The following RTCA variants were observed in gnomAD, a reference collection of about 807,000 sequenced individuals.
The protein encoded by RTCA is RNA 3'-terminal phosphate cyclase.
Under a neutral mutation model 46.1 loss-of-function variants are expected in RTCA, and 37 were observed. The ratio of observed to expected loss-of-function variants is 0.80; its 90% CI spans 0.62 to 1.06. The LOEUF (loss-of-function observed/expected upper bound fraction) is 1.06. Ranked by LOEUF, RTCA falls within the 50% of genes least tolerant of loss-of-function variation. RTCA has a pLI of 0.00. For synonymous variants in RTCA, 164 were observed against 158.3 expected (o/e 1.04, Z -0.27); for missense variants, 435 against 455.5 (o/e 0.95, Z 0.41).
chr1:100,290,547 G>T (rs1007389053), intron 10 of RTCA, among the ~76,000 whole-genome samples: 4 of 152,198 alleles, frequency 2.6e-5, no homozygotes, highest in African/African-American at 9.7e-5. Flanking sequence ...GACGCAGGAG[G>T]ATCACTTCAG....
At chr1:100,288,656 G>A (rs913874799) in intron 10 of RTCA, among the ~76,000 whole-genome samples, 2 of 152,032 alleles carry the variant, frequency 1.3e-5, no homozygotes, top group African/African-American at 4.8e-5. Flanking sequence ...CTCCCAAAGC[G>A]CTAGGATTAC....
chr1:100,283,907 G>A (rs1157279226), intron 8 of RTCA, among the ~76,000 whole-genome samples: 1 of 111,280 alleles, frequency 9.0e-6, no homozygotes. Flanking sequence ...AGGCAACGTA[G>A]TGAGACCTAG....
chr1:100,285,408 T>C, intron 9 of RTCA, 86 bp downstream of exon 9: 1 of 909,288 alleles, frequency 1.1e-6, no homozygotes, highest in Non-Finnish European at 1.8e-6. Flanking sequence ...TAATTGACTT[T>C]CAGACACTAA....
intron 8 of RTCA, among the ~76,000 whole-genome samples, chr1:100,283,150 C>T (rs1293873480): frequency 1.4e-5 from 2 of 144,796 alleles, no homozygotes; most frequent in Non-Finnish European, 3.0e-5. Flanking sequence ...TTATGTATAT[C>T]CAAATATTCC....
intron 2 of RTCA, chr1:100,267,353 C>G (rs1394826091): frequency 2.3e-6 from 2 of 858,172 alleles, no homozygotes; most frequent in African/African-American, 1.7e-5. Context: ...TGTTAATTGC[C>G]TTTGTCATAG....
In RTCA at chr1:100,266,577, C is replaced by T. The variant is rs749173047; in HGVS notation, c.99C>T (p.Pro33=). The change falls in exon 2 of 11, where the codon CCC becomes CCT. Residue 33 remains proline (P), a synonymous_variant. Transcript: ENST00000370128. Reference sequence around the variant, plus strand: ...CCTTGAGCTGTCTCCTAGGCCTCCCCTTGCGGGTGCAGAAGATCCGAGCCG... The same window carrying T: ...CCTTGAGCTGTCTCCTAGGCCTCCCTTTGCGGGTGCAGAAGATCCGAGCCG... ...STALSCLLGL[P]LRVQKIRAGR... is the part of the protein sequence containing the mutation. 1 of 1,613,960 alleles carries T rather than the reference C, an allele frequency of 6.2e-7. No homozygotes were observed. The highest frequency in any genetic ancestry group is 8.5e-7 in the Non-Finnish European group (1 of 1,179,886).
intron 8 of RTCA, 129 bp downstream of exon 8, chr1:100,277,445 G>A: frequency 2.4e-6 from 2 of 834,214 alleles, no homozygotes; most frequent in Middle Eastern, 2.4e-4. Flanking sequence ...CTCTTTTAGA[G>A]TCAATTACAC....
At chr1:100,269,891 G>T (rs2100790406) in intron 3 of RTCA, among the ~76,000 whole-genome samples, 1 of 152,166 alleles carries the variant, frequency 6.6e-6, no homozygotes, top group African/African-American at 2.4e-5. Flanking sequence ...CTGTGCCCAT[G>T]TGTTCTCATT....
intron 5 of RTCA, 125 bp from the exon 6 acceptor site, chr1:100,274,699 A>G (rs1345805282): frequency 1.8e-6 from 2 of 1,086,146 alleles, no homozygotes; most frequent in Non-Finnish European, 2.5e-6. Context: ...ATACAGACCT[A>G]AAATATTTAG....
chr1:100,284,101 G>T (rs1038139682), intron 8 of RTCA, among the ~76,000 whole-genome samples: 1 of 151,628 alleles, frequency 6.6e-6, no homozygotes, highest in Non-Finnish European at 1.5e-5. Flanking sequence ...TTCATAAGAC[G>T]TTTTCATTTG....
chr1:100,281,045 A>G (rs1289381091), intron 8 of RTCA, among the ~76,000 whole-genome samples: 1 of 152,142 alleles, frequency 6.6e-6, no homozygotes, highest in Non-Finnish European at 1.5e-5. Context: ...CTTGAATCCT[A>G]ATTTCTTAGG....
chr1:100,271,112 T>C (rs1341231186), intron 4 of RTCA, among the ~76,000 whole-genome samples: 2 of 151,744 alleles, frequency 1.3e-5, no homozygotes, highest in Admixed American at 1.3e-4. Context: ...TTTGTTGTTA[T>C]ATCTTGGAAT....
chr1:100,291,310 T>G (rs1667340633), intron 10 of RTCA, 93 bp from the exon 11 acceptor site: 1 of 728,982 alleles, frequency 1.4e-6, no homozygotes, highest in Admixed American at 2.6e-5. Flanking sequence ...TAAAATGGGC[T>G]TGACATTAAC....
Position 100,268,309 on chromosome 1 carries a change from A to G in RTCA, c.290+14A>G, listed in dbSNP as rs1439518778. ...CAAGACAGCAGGGTATGTATCACTT[A>G]ACATTCCATTTAAGTAACCTGGGTT... On this transcript the variant is annotated intron_variant, in intron 3 of 10. Transcript: ENST00000370128. The G allele has an allele frequency of 6.3e-7, 1 of 1,582,284 alleles. No individual in the cohort carries two copies. The highest frequency in any genetic ancestry group is 8.6e-7 in the Non-Finnish European group (1 of 1,159,670).
intron 9 of RTCA, among the ~76,000 whole-genome samples, chr1:100,286,235 G>A (rs943932444): frequency 3.9e-5 from 6 of 151,990 alleles, no homozygotes; most frequent in East Asian, 1.9e-4. Context: ...GGCGGATCAC[G>A]AGGTCAAGAG....
At position 100,270,546 on chromosome 1, in the gene RTCA, C is replaced by T. The variant is rs764913965; in HGVS notation, c.291-11C>T. 2 of 1,607,292 alleles carry T rather than the reference C, an allele frequency of 1.2e-6. No homozygotes were observed. The highest frequency in any genetic ancestry group is 2.2e-5 in the East Asian group (1 of 44,842). ...GAAAATGAAAATAAGCCCCTTCTGC[C>T]TTCTCCTTAGGAGTGTGTGCCTCTT... On this transcript the variant is annotated splice_polypyrimidine_tract_variant and intron_variant, in intron 3 of 10. Coordinates refer to ENST00000370128, the MANE Select transcript of RTCA (RefSeq NM_003729.4).
At chr1:100,281,875 C>T (rs1362339022) in intron 8 of RTCA, among the ~76,000 whole-genome samples, 1 of 152,070 alleles carries the variant, frequency 6.6e-6, no homozygotes, top group East Asian at 1.9e-4. Context: ...TGCCACCATG[C>T]CGGCTAATTT....
In RTCA at chr1:100,273,383, G is replaced by T; in HGVS notation, c.415-11G>T. On this transcript the variant is annotated splice_polypyrimidine_tract_variant and intron_variant, in intron 4 of 10. Coordinates refer to ENST00000370128, the MANE Select transcript of RTCA (RefSeq NM_003729.4). The stretch of plus-strand genomic sequence containing the variant: ...GCTGATTAACCTAATGATAAAAACT[G>T]ATTTTTTCAGGTCTTCAAGCCAATT... 3 of 1,550,738 alleles carry T rather than the reference G, an allele frequency of 1.9e-6. No homozygotes were observed. The South Asian group carries it at 3.6e-5, about 18-fold the overall frequency.
In RTCA at chr1:100,288,634, T is replaced by C. The variant is rs559209022; in HGVS notation, c.999+1431T>C. ...TTGAACTCCTGGGCTCAAGCAGTCCTCTGACCTCAATCTCCCAAAGCGCTA... is the reference window on the plus strand; with the variant it reads ...TTGAACTCCTGGGCTCAAGCAGTCCCCTGACCTCAATCTCCCAAAGCGCTA... On this transcript the variant is annotated intron_variant, in intron 10 of 10. Coordinates refer to ENST00000370128, the MANE Select transcript of RTCA (RefSeq NM_003729.4). Among the ~76,000 whole-genome samples the C allele has an allele frequency of 3.1e-4, 47 of 152,182 alleles. No homozygotes were observed. The East Asian group carries it at 4.4e-3, about 14-fold the overall frequency.
Sources: allele counts gnomAD v4.1 joint callset (sites outside exome capture counted in the v4.1 genomes callset), GRCh38; gene constraint gnomAD v4.1.1; transcripts MANE v1.5; gene names NCBI Gene and HGNC (gene_info 2026-07-23, HGNC 2026-07-21).